INVS: variants seen among roughly 807,000 people sequenced by gnomAD.
INVS encodes inversin, also known as inversion of embryo turning homolog.
INVS carries 86 observed loss-of-function variants against 108.8 expected under a neutral mutation model. The ratio of observed to expected loss-of-function variants is 0.79; its 90% CI spans 0.66 to 0.95. INVS has a LOEUF of 0.95. Ranked by LOEUF, INVS falls within the 40% of genes least tolerant of loss-of-function variation. INVS has a pLI of 0.00. For missense variants in INVS, 1,169 were observed against 1,297.4 expected (o/e 0.90, Z 1.52); for synonymous variants, 455 against 473.5 (o/e 0.96, Z 0.51).
intron 3 of INVS, among the ~76,000 whole-genome samples, chr9:100,150,330 A>C (rs1828769938): frequency 6.6e-6 from 1 of 152,192 alleles, no homozygotes. Flanking sequence ...AAGTCATGAA[A>C]ATACAAGCAT....
chr9:100,272,611 G>T (rs1433916547), intron 11 of INVS, among the ~76,000 whole-genome samples: 1 of 152,136 alleles, frequency 6.6e-6, no homozygotes, highest in Admixed American at 6.5e-5. Context: ...CTATTTGTTT[G>T]CCAGGGAGTA....
chr9:100,158,271 A>G (rs1829065671), intron 3 of INVS, among the ~76,000 whole-genome samples: 4 of 152,168 alleles, frequency 2.6e-5, no homozygotes, highest in Admixed American at 2.6e-4. Flanking sequence ...TCCATTCTTA[A>G]AATATTGATT....
intron 3 of INVS, chr9:100,175,194 C>T: frequency 3.8e-6 from 2 of 525,348 alleles, no homozygotes; most frequent in South Asian, 3.9e-5. Context: ...GTGCATCCAG[C>T]TTGTCCCCAA....
intron 3 of INVS, among the ~76,000 whole-genome samples, chr9:100,195,174 T>C (rs1228400604): frequency 6.6e-6 from 1 of 152,204 alleles, no homozygotes; most frequent in Non-Finnish European, 1.5e-5. Flanking sequence ...GATTTGGAGC[T>C]GAGAGGCAAA....
chr9:100,280,651 A>G (rs1367624692), intron 12 of INVS, among the ~76,000 whole-genome samples: 1 of 152,188 alleles, frequency 6.6e-6, no homozygotes, highest in Admixed American at 6.5e-5. Flanking sequence ...TTTTTTCTAA[A>G]CTTTACAAGT....
intron 3 of INVS, among the ~76,000 whole-genome samples, chr9:100,144,481 A>G (rs1828538934): frequency 6.6e-6 from 1 of 152,162 alleles, no homozygotes; most frequent in Non-Finnish European, 1.5e-5. Context: ...CAAACGAGCC[A>G]TGAACTGGGC....
At chr9:100,268,780 T>C (rs978170000) in intron 11 of INVS, among the ~76,000 whole-genome samples, 1 of 152,144 alleles carries the variant, frequency 6.6e-6, no homozygotes, top group Non-Finnish European at 1.5e-5. Context: ...CTAAGAAGTC[T>C]AGTTCTTCTC....
chr9:100,111,751 T>C (rs1004802374), intron 2 of INVS, among the ~76,000 whole-genome samples: 1 of 151,822 alleles, frequency 6.6e-6, no homozygotes, highest in Non-Finnish European at 1.5e-5. Flanking sequence ...GCGGTGTAGA[T>C]TGGACAAGTA....
In INVS at chr9:100,192,974, A is replaced by G. The variant is rs1234950796; in HGVS notation, c.274-33088A>G. Reference sequence around the variant, plus strand: ...TCAGATTAGATTACCTATGATACCAATGTCTTTTTTTTTTTTTTTTCTGAT... The same window carrying G: ...TCAGATTAGATTACCTATGATACCAGTGTCTTTTTTTTTTTTTTTTCTGAT... On this transcript the variant is annotated intron_variant, in intron 3 of 16. Transcript: ENST00000262457. Among the ~76,000 whole-genome samples, 4 of 144,648 alleles carry G rather than the reference A, an allele frequency of 2.8e-5. No homozygotes were observed. The East Asian group carries it at 7.8e-4, about 28-fold the overall frequency. 94.9% of individuals were successfully genotyped at this position (144,648 alleles called of 152,430 possible).
intron 2 of INVS, chr9:100,117,335 G>T (rs777323180): frequency 2.7e-6 from 2 of 733,706 alleles, no homozygotes; most frequent in Admixed American, 1.9e-5. Context: ...CTTGAGAGAG[G>T]CCCCCAGGAA....
intron 1 of INVS, among the ~76,000 whole-genome samples, chr9:100,100,293 T>G (rs918459416): frequency 2.6e-5 from 4 of 151,696 alleles, no homozygotes; most frequent in Non-Finnish European, 5.9e-5. Context: ...TAGACAGTGA[T>G]AGAGCCAATA....
At position 100,300,651 on chromosome 9, in the gene INVS, C is replaced by A; in HGVS notation, c.3175C>A (p.Pro1059Thr). 1.2e-6 allele frequency: 2 copies of A among 1,613,262 alleles called. No homozygotes were observed. Among genetic ancestry groups the A allele is most frequent in the Non-Finnish European group, 8.5e-7 (1 of 1,179,402 alleles). Residue 1059 changes from proline (P) to threonine (T), a missense_variant, in exon 17 of 17, where the codon CCA (proline) becomes ACA (threonine). By Grantham distance (38) the Pro-to-Thr change is conservative. Coordinates refer to ENST00000262457, the MANE Select transcript of INVS (RefSeq NM_014425.5). ...FSYNLQSATQ[P>T]KNKTKP ...TTATAACCTGCAATCAGCTACTCAG[C>A]CAAAAAACAAAACAAAACCTTGACT...
At chr9:100,250,303 C>G (rs971055191) in intron 8 of INVS, among the ~76,000 whole-genome samples, 1 of 152,104 alleles carries the variant, frequency 6.6e-6, no homozygotes, top group African/African-American at 2.4e-5. Flanking sequence ...CAATACGTGG[C>G]TAATCTTGTT....
intron 4 of INVS, among the ~76,000 whole-genome samples, chr9:100,226,602 C>G (rs1324347317): frequency 1.3e-5 from 2 of 152,012 alleles, no homozygotes; most frequent in Non-Finnish European, 2.9e-5. Flanking sequence ...CAGCTGAGTT[C>G]AGGGGTTCAA....
intron 2 of INVS, 141 bp from the exon 3 acceptor site, chr9:100,126,242 T>G (rs1827879424): frequency 1.4e-6 from 1 of 704,116 alleles, no homozygotes; most frequent in Admixed American, 2.4e-5. Flanking sequence ...AATGGTAATA[T>G]CTACTTCTTA....
intron 10 of INVS, among the ~76,000 whole-genome samples, chr9:100,256,489 T>A (rs1023098035): frequency 2.6e-5 from 4 of 152,344 alleles, no homozygotes; most frequent in African/African-American, 9.6e-5. Flanking sequence ...GCTTCTCTAG[T>A]TCTTTTAATT....
chr9:100,169,730 A>G (rs1194649451), intron 3 of INVS, among the ~76,000 whole-genome samples: 2 of 152,198 alleles, frequency 1.3e-5, no homozygotes, highest in Non-Finnish European at 2.9e-5. Flanking sequence ...GTGAGTTGAC[A>G]GTAATGCCAA....
chr9:100,227,356 A>G (rs974260429), intron 4 of INVS, among the ~76,000 whole-genome samples: 1 of 152,206 alleles, frequency 6.6e-6, no homozygotes, highest in African/African-American at 2.4e-5. Context: ...TTAATGTGAC[A>G]GATGAGCTTG....
chr9:100,153,285 G>A (rs1018269063), intron 3 of INVS, among the ~76,000 whole-genome samples: 3 of 149,656 alleles, frequency 2.0e-5, no homozygotes, highest in African/African-American at 7.4e-5. Flanking sequence ...AAGACAAATT[G>A]GAAACAATAT....
Sources: gnomAD v4.1 joint callset for allele counts (sites outside exome capture counted in the v4.1 genomes callset) on GRCh38, gnomAD v4.1.1 for gene constraint, MANE v1.5 for transcripts, NCBI Gene and HGNC (gene_info 2026-07-23, HGNC 2026-07-21) for gene names.